Variants in DOCK1 observed in about 807,000 individuals in gnomAD.
DOCK1 encodes dedicator of cytokinesis 1.
DOCK1 carries 138 observed loss-of-function variants against 262.7 expected under a neutral mutation model. That is an observed-to-expected ratio of 0.53 (90% CI 0.46 to 0.61). The LOEUF is 0.61. Ranked by LOEUF, DOCK1 falls within the 20% of genes least tolerant of loss-of-function variation. The pLI is 0.00. For missense variants in DOCK1, 1,908 were observed against 2,370.7 expected (o/e 0.80, Z 4.05); for synonymous variants, 866 against 867.4 (o/e 1.00, Z 0.03).
chr10:127,002,664 C>G (rs2040677979), intron 10 of DOCK1, among the ~76,000 whole-genome samples: 1 of 152,166 alleles, frequency 6.6e-6, no homozygotes. Flanking sequence ...GGACATAGTT[C>G]CTTGTTTCTG....
intron 1 of DOCK1, among the ~76,000 whole-genome samples, chr10:126,921,044 A>G (rs1255878262): frequency 2.0e-5 from 3 of 152,100 alleles, no homozygotes; most frequent in Non-Finnish European, 4.4e-5. Context: ...TAAAAATACA[A>G]AAACAATTAG....
In DOCK1 at chr10:127,008,856, G is replaced by A. The variant is rs2041219713; in HGVS notation, c.1058+52G>A. On this transcript the variant is annotated intron_variant, in intron 11 of 51. Transcript: ENST00000623213. ...AGCCAGATATAATGTGGAAAACATA[G>A]GCTTGTAATAATTATCTTTATAATT... The A allele has an allele frequency of 2.1e-6, 3 of 1,406,246 alleles. No individual in the cohort carries two copies. The South Asian group carries it at 3.8e-5, about 18-fold the overall frequency. 87.1% of individuals were successfully genotyped at this position (1,406,246 alleles called of 1,614,324 possible).
intron 23 of DOCK1, among the ~76,000 whole-genome samples, chr10:127,068,718 T>C (rs1564778355): frequency 6.6e-6 from 1 of 152,212 alleles, no homozygotes; most frequent in Non-Finnish European, 1.5e-5. Flanking sequence ...CCTATATATA[T>C]ACACACACAT....
chr10:127,354,321 G>A (rs1385443507), intron 31 of DOCK1, among the ~76,000 whole-genome samples: 2 of 152,190 alleles, frequency 1.3e-5, no homozygotes, highest in East Asian at 1.9e-4. Flanking sequence ...GTTATGTGGT[G>A]TCTGCAGTGC....
intron 29 of DOCK1, among the ~76,000 whole-genome samples, chr10:127,296,527 G>A (rs923900153): frequency 6.6e-5 from 10 of 152,314 alleles, no homozygotes; most frequent in African/African-American, 2.2e-4. Context: ...GTGGAGTGAC[G>A]GTCAGGAACC....
intron 23 of DOCK1, among the ~76,000 whole-genome samples, chr10:127,078,907 G>A (rs970917399): frequency 6.6e-6 from 1 of 152,136 alleles, no homozygotes; most frequent in South Asian, 2.1e-4. Context: ...TAAAGACAGC[G>A]TGTTGGGAGC....
chr10:127,275,943 T>A (rs2060725359), intron 29 of DOCK1, among the ~76,000 whole-genome samples: 2 of 152,258 alleles, frequency 1.3e-5, no homozygotes, highest in Non-Finnish European at 2.9e-5. Flanking sequence ...TGCCCACGCA[T>A]GGCGTACAGG....
intron 22 of DOCK1, among the ~76,000 whole-genome samples, chr10:127,053,937 T>G (rs1274949554): frequency 6.6e-6 from 1 of 152,204 alleles, no homozygotes; most frequent in African/African-American, 2.4e-5. Flanking sequence ...TCAATGGATG[T>G]TGGTGGTTCT....
At chr10:127,269,844 G>A (rs185372321) in intron 29 of DOCK1, among the ~76,000 whole-genome samples, 1 of 152,320 alleles carries the variant, frequency 6.6e-6, no homozygotes, top group East Asian at 1.9e-4. Flanking sequence ...GGACAGTGAC[G>A]CCCACCACCC....
chr10:127,024,969 A>G (rs2042723715), intron 15 of DOCK1, 186 bp downstream of exon 15: 2 of 486,762 alleles, frequency 4.1e-6, no homozygotes. Flanking sequence ...ATTTACTCTC[A>G]TCTCCTTTTG....
chr10:127,301,334 G>A (rs924111891), intron 29 of DOCK1, among the ~76,000 whole-genome samples: 4 of 152,200 alleles, frequency 2.6e-5, no homozygotes, highest in African/African-American at 9.7e-5. Context: ...AAGTCAGGCT[G>A]CTTCCTTTGT....
At chr10:127,081,576 G>C (rs2046900753) in intron 23 of DOCK1, among the ~76,000 whole-genome samples, 2 of 151,960 alleles carry the variant, frequency 1.3e-5, no homozygotes, top group South Asian at 4.2e-4. Flanking sequence ...CTCTTTCCTG[G>C]TGAGTCTCTG....
chr10:127,387,230 G>A (rs896279656), intron 38 of DOCK1, among the ~76,000 whole-genome samples: 1 of 152,214 alleles, frequency 6.6e-6, no homozygotes, highest in Non-Finnish European at 1.5e-5. Flanking sequence ...CTGCATTCCA[G>A]CCACACTGGC....
chr10:127,089,608 C>T (rs1358247636), intron 23 of DOCK1, among the ~76,000 whole-genome samples: 1 of 152,216 alleles, frequency 6.6e-6, no homozygotes, highest in Non-Finnish European at 1.5e-5. Context: ...CCCCTGCCCA[C>T]TGCCCCTGGC....
chr10:127,297,866 C>T (rs2061553987), intron 29 of DOCK1, among the ~76,000 whole-genome samples: 1 of 152,006 alleles, frequency 6.6e-6, no homozygotes, highest in South Asian at 2.1e-4. Context: ...CGTGTCGGAG[C>T]GAGAGTGCCC....
intron 27 of DOCK1, among the ~76,000 whole-genome samples, chr10:127,169,937 T>G (rs1045499011): frequency 5.9e-5 from 9 of 152,054 alleles, no homozygotes; most frequent in African/African-American, 2.2e-4. Context: ...CCTCTCTCCC[T>G]TGTCTTGAAC....
intron 44 of DOCK1, 38 bp downstream of exon 44, chr10:127,415,276 C>T: frequency 6.3e-7 from 1 of 1,591,220 alleles, no homozygotes; most frequent in Non-Finnish European, 8.6e-7. Context: ...TTGTCCGTTC[C>T]CTTCCTCAAT....
intron 27 of DOCK1, among the ~76,000 whole-genome samples, chr10:127,150,657 C>A (rs2052399073): frequency 6.6e-6 from 1 of 152,186 alleles, no homozygotes; most frequent in Non-Finnish European, 1.5e-5. Flanking sequence ...TTAGTACTCA[C>A]TATTGAAATG....
intron 1 of DOCK1, among the ~76,000 whole-genome samples, chr10:126,914,388 A>T (rs981008807): frequency 6.6e-6 from 1 of 151,766 alleles, no homozygotes; most frequent in Non-Finnish European, 1.5e-5. Context: ...GATTTGTTTC[A>T]GTTTTAAATT....
Sources: allele counts gnomAD v4.1 joint callset (sites outside exome capture counted in the v4.1 genomes callset), GRCh38; gene constraint gnomAD v4.1.1; transcripts MANE v1.5; gene names NCBI Gene and HGNC (gene_info 2026-07-23, HGNC 2026-07-21).